Variants in CHD7 observed in about 807,000 individuals in gnomAD.
CHD7 encodes the protein chromodomain helicase DNA binding protein 7.
In CHD7, 24 loss-of-function variants were observed where a neutral mutation model predicts 307.3. The observed-to-expected ratio is 0.08, with a 90% CI of 0.06 to 0.11. CHD7 has a LOEUF of 0.11. Among genes scored for constraint, CHD7 ranks in the 10% least tolerant of loss-of-function variants. The pLI is 1.00. For synonymous variants in CHD7, 1,363 were observed against 1,349.9 expected, an observed-to-expected ratio of 1.01 and a Z score of -0.21; for missense variants, 3,106 against 3,727.1, an observed-to-expected ratio of 0.83 and a Z score of 4.34.
At chr8:60,693,462 C>T (rs542748579) in intron 1 of CHD7, among the ~76,000 whole-genome samples, 2 of 152,336 alleles carry the variant, frequency 1.3e-5, no homozygotes, top group African/African-American at 4.8e-5. Flanking sequence ...TGTGGGGTGC[C>T]TTCCACAGGC....
chr8:60,734,785 A>G (rs1404774697), intron 1 of CHD7, among the ~76,000 whole-genome samples: 1 of 152,214 alleles, frequency 6.6e-6, no homozygotes, highest in Non-Finnish European at 1.5e-5. Flanking sequence ...TTTGATTATT[A>G]GTGCCTTCAA....
At position 60,822,056 on chromosome 8, in the gene CHD7, G is replaced by A. The variant is rs371363909; in HGVS notation, c.2868G>A (p.Ser956=). ...ERPPADDWKK[S]ESSREYKNNN... ...CTCCTGCTGATGATTGGAAGAAATC[G>A]GAGAGTTCCAGGGAGTATAAAAACA... Residue 956 remains serine, a synonymous_variant, in exon 11 of 38, where the codon TCG becomes TCA. Transcript: ENST00000423902. 5.7e-5 allele frequency: 92 copies of A among 1,613,660 alleles called. No individual in the cohort carries two copies. Among genetic ancestry groups the A allele is most frequent in the Non-Finnish European group, 7.3e-5 (86 of 1,179,808 alleles).
At chr8:60,750,327 T>C (rs529550020) in intron 2 of CHD7, among the ~76,000 whole-genome samples, 3 of 152,234 alleles carry the variant, frequency 2.0e-5, no homozygotes, top group Non-Finnish European at 4.4e-5. Context: ...GTGCCTGTTA[T>C]GTGCCAAGGA....
rs1806282879 is a variant in CHD7 at position 60,693,089 on chromosome 8, G to GGTGGGTTGCAA, written c.-175+14009_-175+14010insGGGTTGCAAGT. 3.3e-5 allele frequency among the ~76,000 whole-genome samples: 5 copies of GGTGGGTTGCAA among 152,274 alleles called. No homozygotes were observed. In the South Asian group the frequency reaches 1.0e-3, roughly 32 times the overall value. On this transcript the variant is annotated intron_variant, in intron 1 of 37. Coordinates refer to ENST00000423902, the MANE Select transcript of CHD7 (RefSeq NM_017780.4). ...CTGCAAGTCTGCGCTGGTGGTGTCA[G>GGTGGGTTGCAA]GTCCTGGCAACCCAGCTGATGGGCT...
intron 1 of CHD7, among the ~76,000 whole-genome samples, chr8:60,726,256 A>G (rs1244368623): frequency 1.3e-5 from 2 of 152,232 alleles, no homozygotes; most frequent in South Asian, 2.1e-4. Flanking sequence ...TATACTTAGC[A>G]TATTTCCAAT....
chr8:60,783,781 C>T (rs942162444), intron 3 of CHD7, among the ~76,000 whole-genome samples: 4 of 151,670 alleles, frequency 2.6e-5, no homozygotes, highest in African/African-American at 7.3e-5. Flanking sequence ...CTGGGGGGGG[C>T]GGGGCACAAA....
rs767065817 is a variant in CHD7, at chr8:60,856,088, A to G, written c.7050A>G (p.Thr2350=). 6.2e-7 allele frequency: 1 copy of G among 1,611,410 alleles called. No individual in the cohort carries two copies. The highest frequency in any genetic ancestry group is 2.2e-5 in the East Asian group (1 of 44,828). ...TCCAAGGCCTCATCCCAGGTTACAC[A>G]CCCACCACAGTGGACAGCCCCTTGC... is the stretch of plus-strand genomic sequence containing the variant. ...FDFQGLIPGY[T]PTTVDSPLQK... is the part of the protein sequence containing the mutation. Residue 2350 remains threonine, a synonymous_variant, in exon 33 of 38, where the codon ACA becomes ACG. Transcript: ENST00000423902.
chr8:60,790,769 A>G (rs567499043), intron 3 of CHD7, among the ~76,000 whole-genome samples: 1 of 152,298 alleles, frequency 6.6e-6, no homozygotes, highest in African/African-American at 2.4e-5. Flanking sequence ...AGACACACAT[A>G]TAGTGCTTTG....
intron 1 of CHD7, among the ~76,000 whole-genome samples, chr8:60,711,618 C>T (rs751779711): frequency 6.6e-6 from 1 of 152,156 alleles, no homozygotes; most frequent in Non-Finnish European, 1.5e-5. Flanking sequence ...TGGGGCAGCT[C>T]CAACAACTGA....
chr8:60,736,154 T>TA (rs1808695575), intron 1 of CHD7, among the ~76,000 whole-genome samples: 1 of 152,170 alleles, frequency 6.6e-6, no homozygotes, highest in African/African-American at 2.4e-5. Context: ...TGTGGTGAAC[T>TA]GATAAGCTGG....
chr8:60,718,148 C>A (rs1004998713), intron 1 of CHD7, among the ~76,000 whole-genome samples: 2 of 152,124 alleles, frequency 1.3e-5, no homozygotes, highest in Admixed American at 1.3e-4. Context: ...CTGTGTAGGT[C>A]TAGGCTAATG....
intron 3 of CHD7, among the ~76,000 whole-genome samples, chr8:60,791,831 C>T (rs1811787173): frequency 6.6e-6 from 1 of 152,122 alleles, no homozygotes; most frequent in South Asian, 2.1e-4. Flanking sequence ...TTAGCTAGTG[C>T]TTAGGAATGT....
At position 60,758,135 on chromosome 8, in the gene CHD7, T is replaced by C. The variant is rs116774067; in HGVS notation, c.1665+15038T>C. 7.5e-3 allele frequency among the ~76,000 whole-genome samples: 1,148 copies of C among 152,280 alleles called. 18 individuals carry two copies. Among genetic ancestry groups the C allele is most frequent in the African/African-American group, 0.026 (1,066 of 41,550 alleles). ...TCATTGAATTATGCCAATCTTCTGA[T>C]TTTTGTATACATTTTTTTTTGAGGT... On this transcript the variant is annotated intron_variant, in intron 2 of 37. Coordinates refer to ENST00000423902, the MANE Select transcript of CHD7 (RefSeq NM_017780.4).
chr8:60,725,228 A>G (rs901896879), intron 1 of CHD7, among the ~76,000 whole-genome samples: 1 of 152,190 alleles, frequency 6.6e-6, no homozygotes, highest in Admixed American at 6.5e-5. Context: ...GCAGGTTGTT[A>G]GGGATGGAGA....
chr8:60,856,282 T>A, intron 33 of CHD7, 80 bp downstream of exon 33: 1 of 1,286,616 alleles, frequency 7.8e-7, no homozygotes, highest in Non-Finnish European at 1.1e-6. Flanking sequence ...TATATTTCAC[T>A]GGCCTTGCTT....
In CHD7 at chr8:60,867,537, T is replaced by G. The variant is rs1806279495; in HGVS notation, c.*1604T>G. 1 of 152,256 alleles carries G rather than the reference T, an allele frequency of 6.6e-6. No individual in the cohort carries two copies. Among genetic ancestry groups the G allele is most frequent in the South Asian group, 2.1e-4 (1 of 4,836 alleles). The allele number at this position is 152,256 out of a possible 1,614,324, so 9.4% of individuals were successfully genotyped here. A position where few individuals can be genotyped will look rare whatever the true frequency, so the allele number is the denominator to read the frequency against. On this transcript the variant is annotated 3_prime_UTR_variant, in exon 38 of 38. Coordinates refer to ENST00000423902, the MANE Select transcript of CHD7 (RefSeq NM_017780.4). ...ACTGTTTTCACCTTTTTATGTCACC[T>G]GAACCAACACAAAGCCATATTTCCA...
At chr8:60,782,477 T>A (rs575133864) in intron 3 of CHD7, among the ~76,000 whole-genome samples, 2 of 152,364 alleles carry the variant, frequency 1.3e-5, no homozygotes, top group Non-Finnish European at 1.5e-5. Flanking sequence ...CTAAAAATAA[T>A]CTAAACAACT....
chr8:60,820,110 A>C lies in CHD7; in HGVS notation c.2697+20A>C. 6.5e-7 allele frequency: 1 copy of C among 1,545,290 alleles called. No homozygotes were observed. Among genetic ancestry groups the C allele is most frequent in the Non-Finnish European group, 8.9e-7 (1 of 1,123,886 alleles). ...GGAGAGGTAACAGGAGATCATTTGT[A>C]TTACAAAGTGGTGATTCAGGCAACC... On this transcript the variant is annotated intron_variant, in intron 9 of 37. Coordinates refer to ENST00000423902, the MANE Select transcript of CHD7 (RefSeq NM_017780.4).
At chr8:60,851,351 C>A in intron 28 of CHD7, 32 bp downstream of exon 28, 2 of 1,492,286 alleles carry the variant, frequency 1.3e-6, no homozygotes, top group Non-Finnish European at 1.8e-6. Context: ...TGTAGCCGAG[C>A]AGACGTGCAC....
Sources: allele counts gnomAD v4.1 joint callset (sites outside exome capture counted in the v4.1 genomes callset), GRCh38; gene constraint gnomAD v4.1.1; transcripts MANE v1.5; gene names NCBI Gene and HGNC (gene_info 2026-07-23, HGNC 2026-07-21).